Variants in CRACD observed in about 807,000 individuals in gnomAD.
CRACD encodes capping protein-inhibiting regulator of actin dynamics.
CRACD carries 56 observed loss-of-function variants against 106.8 expected under a neutral mutation model. The ratio of observed to expected loss-of-function variants is 0.52; its 90% CI spans 0.42 to 0.66. CRACD has a LOEUF of 0.66. Among genes scored for constraint, CRACD ranks in the 30% least tolerant of loss-of-function variants. The pLI is 0.00. For synonymous variants in CRACD, 754 were observed against 670.8 expected (o/e 1.12, Z -1.92); for missense variants, 1,730 against 1,623.2 (o/e 1.07, Z -1.13).
rs1164571531 is a variant in CRACD, at chr4:56,328,276, C to A, written c.*472C>A. 1.9e-6 allele frequency: 1 copy of A among 516,270 alleles called. No homozygotes were observed. Among genetic ancestry groups the A allele is most frequent in the Non-Finnish European group, 3.9e-6 (1 of 258,674 alleles). The allele number at this position is 516,270 out of a possible 1,614,324, so 32.0% of individuals were successfully genotyped here. ...GTAATGGTGAAAGGATCATATCTAG[C>A]TAAAAGCAAGAACACCCATTCTCCT... On this transcript the variant is annotated 3_prime_UTR_variant, in exon 11 of 11. Coordinates refer to ENST00000682029, the MANE Select transcript of CRACD (RefSeq NM_001393381.1).
intron 1 of CRACD, among the ~76,000 whole-genome samples, chr4:56,153,677 A>T (rs1735665939): frequency 6.6e-6 from 1 of 152,192 alleles, no homozygotes; most frequent in African/African-American, 2.4e-5. Flanking sequence ...AATGAAATGT[A>T]AAGTCCCCCA....
At chr4:56,083,479 T>TCATC (rs1374832831) in intron 1 of CRACD, among the ~76,000 whole-genome samples, 13 of 152,172 alleles carry the variant, frequency 8.5e-5, no homozygotes, top group African/African-American at 2.9e-4. Flanking sequence ...AATGCACAAT[T>TCATC]CATCCATCCA....
Position 56,315,604 on chromosome 4 carries a change from G to T in CRACD, c.2102G>T (p.Gly701Val), listed in dbSNP as rs369365265. The change falls in exon 8 of 11, where the codon GGC (glycine) becomes GTC (valine). Residue 701 changes from glycine (G) to valine (V), a missense_variant. Around this residue, in one of 5 missense-constraint regions of CRACD, gnomAD observed 1,620 missense variants for 1,481.6 expected, o/e 1.09. Transcript: ENST00000682029. This position sits in a 1 kb window ranked among gnomAD's most constrained non-coding sequence, Gnocchi z 4.1. ...CCCGGTGATGAGTCCACTCCCAGGG[G>T]CCGGTGTGATTCCCGCGGGAACCAA... ...LRPGDESTPRGRCDSRGNQRK... is the reference protein window; with the variant it reads ...LRPGDESTPRVRCDSRGNQRK... 2.1e-5 allele frequency: 34 copies of T among 1,614,080 alleles called. No homozygotes were observed. The highest frequency in any genetic ancestry group is 2.5e-5 in the Non-Finnish European group (29 of 1,180,042).
At chr4:56,144,677 A>G (rs1180295318) in intron 1 of CRACD, among the ~76,000 whole-genome samples, 1 of 150,000 alleles carries the variant, frequency 6.7e-6, no homozygotes, top group African/African-American at 2.4e-5. Flanking sequence ...TTTTTTTGAA[A>G]TGGAGTCTTG....
At chr4:56,069,765 G>T (rs1252601376) in intron 1 of CRACD, among the ~76,000 whole-genome samples, 1 of 152,180 alleles carries the variant, frequency 6.6e-6, no homozygotes, top group Non-Finnish European at 1.5e-5. Context: ...GAGCAGCAAA[G>T]AAGCTGTCTC....
intron 1 of CRACD, among the ~76,000 whole-genome samples, chr4:56,128,603 T>G (rs1390606852): frequency 6.6e-6 from 1 of 152,188 alleles, no homozygotes; most frequent in Non-Finnish European, 1.5e-5. Flanking sequence ...AATTGATGGA[T>G]AAATGATGTT....
At chr4:56,132,071 A>C in intron 1 of CRACD, among the ~76,000 whole-genome samples, 1 of 152,202 alleles carries the variant, frequency 6.6e-6, no homozygotes, top group Non-Finnish European at 1.5e-5. Context: ...ATTTTTAGAC[A>C]GGGCCTTGCT....
At chr4:56,207,668 AG>A (rs1401134096) in intron 2 of CRACD, among the ~76,000 whole-genome samples, 1 of 151,000 alleles carries the variant, frequency 6.6e-6, no homozygotes, top group East Asian at 1.9e-4. Flanking sequence ...AGGCTAAGCA[AG>A]GAAAAAATTG....
chr4:56,062,453 T>C (rs1256129959), intron 1 of CRACD, among the ~76,000 whole-genome samples: 1 of 152,222 alleles, frequency 6.6e-6, no homozygotes, highest in African/African-American at 2.4e-5. Context: ...TCCCTGGTGA[T>C]ACGAAATGGT....
intron 5 of CRACD, among the ~76,000 whole-genome samples, chr4:56,309,948 G>A (rs897271200): frequency 1.3e-5 from 2 of 150,916 alleles, no homozygotes; most frequent in Non-Finnish European, 2.9e-5. Flanking sequence ...GAGCCCAGGA[G>A]TTCTAGGCTA....
chr4:56,296,961 C>G (rs1307196367), intron 3 of CRACD, among the ~76,000 whole-genome samples: 2 of 147,736 alleles, frequency 1.4e-5, no homozygotes, highest in African/African-American at 5.0e-5. Flanking sequence ...TCTGTCTCAC[C>G]TAGGCTGGAG....
chr4:56,315,863 G>T lies in CRACD; in HGVS notation c.2361G>T (p.Glu787Asp). The T allele has an allele frequency of 6.2e-7, 1 of 1,614,200 alleles. No homozygotes were observed. Among genetic ancestry groups the T allele is most frequent in the East Asian group, 2.2e-5 (1 of 44,874 alleles). The stretch of plus-strand genomic sequence containing the variant: ...ACCGGGAGCCCGCAGACACCACCGA[G>T]GGATGCAAATTTGCCAAAGACCTCC... ...EMHREPADTT[E>D]GCKFAKDLPS... The change falls in exon 8 of 11, where the codon GAG becomes GAT. Residue 787 changes from glutamate to aspartate, a missense_variant. By Grantham distance (45) the Glu-to-Asp change is conservative. Coordinates refer to ENST00000682029, the MANE Select transcript of CRACD (RefSeq NM_001393381.1). This position sits in a 1 kb window ranked among gnomAD's most constrained non-coding sequence, Gnocchi z 4.1.
chr4:56,284,831 G>A (rs936936723), intron 3 of CRACD, among the ~76,000 whole-genome samples: 1 of 152,128 alleles, frequency 6.6e-6, no homozygotes, highest in South Asian at 2.1e-4. Flanking sequence ...TAACCGTAAG[G>A]TCAAACAGCA....
intron 2 of CRACD, among the ~76,000 whole-genome samples, chr4:56,240,323 G>C (rs1049307493): frequency 1.3e-5 from 2 of 152,104 alleles, no homozygotes; most frequent in African/African-American, 2.4e-5. Flanking sequence ...AGACTGGGGA[G>C]GGGGAGTAGG....
intron 1 of CRACD, among the ~76,000 whole-genome samples, chr4:56,127,316 ACT>A (rs1734690636): frequency 3.3e-5 from 5 of 152,196 alleles, no homozygotes; most frequent in Non-Finnish European, 7.3e-5. Context: ...GCACAAACGG[ACT>A]AAGACACCCT....
At chr4:56,274,248 G>A (rs1319114525) in intron 3 of CRACD, among the ~76,000 whole-genome samples, 2 of 152,198 alleles carry the variant, frequency 1.3e-5, no homozygotes, top group South Asian at 2.1e-4. Context: ...GTTTTCAATT[G>A]TAAAATAAGA....
Position 56,315,145 on chromosome 4 carries a change from T to G in CRACD, c.1643T>G (p.Ile548Ser). The G allele has an allele frequency of 6.2e-7, 1 of 1,607,902 alleles. No individual in the cohort carries two copies. Among genetic ancestry groups the G allele is most frequent in the South Asian group, 1.1e-5 (1 of 89,540 alleles). Reference protein sequence around the residue: ...TFQVSSGGKQILFPKVNLSPV... With the variant: ...TFQVSSGGKQSLFPKVNLSPV... ...CAGGTGTCCTCCGGAGGGAAGCAGA[T>G]TCTCTTTCCCAAAGTCAACCTGAGC... Residue 548 changes from isoleucine to serine, a missense_variant, in exon 8 of 11, where the codon ATT becomes AGT. Ile to Ser is a moderately radical substitution (Grantham distance 142, BLOSUM62 -2). Around this residue, in one of 5 missense-constraint regions of CRACD, gnomAD observed 1,620 missense variants for 1,481.6 expected, o/e 1.09. Coordinates refer to ENST00000682029, the MANE Select transcript of CRACD (RefSeq NM_001393381.1). This position sits in a 1 kb window ranked among gnomAD's most constrained non-coding sequence, Gnocchi z 4.1.
intron 1 of CRACD, among the ~76,000 whole-genome samples, chr4:56,143,851 G>C (rs1735287140): frequency 5.9e-5 from 9 of 152,196 alleles, no homozygotes. Flanking sequence ...TGGTGAGCAA[G>C]ATTATGAGAT....
chr4:56,157,685 G>A (rs112055091), intron 1 of CRACD, among the ~76,000 whole-genome samples: 2,091 of 152,218 alleles, frequency 0.014, 65 homozygotes, highest in East Asian at 0.12. Context: ...ATATGGAGTC[G>A]TTACTGCATT....
Sources: gnomAD v4.1 joint callset for allele counts (sites outside exome capture counted in the v4.1 genomes callset) on GRCh38, gnomAD v4.1.1 for gene constraint, gnomAD v4.1.1 regional missense constraint, Gnocchi (gnomAD v3.1) non-coding constraint, MANE v1.5 for transcripts, NCBI Gene and HGNC (gene_info 2026-07-23, HGNC 2026-07-21) for gene names.